The following TEX11 variants were observed in gnomAD, a reference collection of about 807,000 sequenced individuals.
TEX11 encodes the protein testis-expressed protein 11.
In TEX11, 7 loss-of-function variants were observed where a neutral mutation model predicts 84.4. That is an observed-to-expected ratio of 0.08 (90% CI 0.05 to 0.16). The LOEUF (loss-of-function observed/expected upper bound fraction) is 0.16. Ranked by LOEUF, TEX11 falls within the 10% of genes least tolerant of loss-of-function variation. The pLI is 1.00. For synonymous variants in TEX11, 264 were observed against 222.8 expected (o/e 1.18, Z -1.64); for missense variants, 551 against 660.5 (o/e 0.83, Z 1.82).
In TEX11 at chrX:70,842,136, C is replaced by T. The variant is rs1602174158; in HGVS notation, c.526-8543G>A. Among the ~76,000 whole-genome samples the T allele has an allele frequency of 3.6e-5, 4 of 110,915 alleles. No individual in the cohort carries two copies. The Admixed American group carries it at 3.8e-4, about 11-fold the overall frequency. The stretch of plus-strand genomic sequence containing the variant: ...ATCCTCCCTAACTCATTTTATGAGG[C>T]CAGCATCATCCTGATACCAAAGCCT... On this transcript the variant is annotated intron_variant, in intron 7 of 29. Transcript: ENST00000374333.
intron 2 of TEX11, among the ~76,000 whole-genome samples, chrX:70,904,928 C>T (rs1189937264): frequency 2.7e-5 from 3 of 112,312 alleles, no homozygotes; most frequent in African/African-American, 9.7e-5. Context: ...AATATGACTA[C>T]TAGAAAATAT....
intron 16 of TEX11, among the ~76,000 whole-genome samples, chrX:70,661,255 C>T (rs1331542034): frequency 3.6e-5 from 4 of 112,479 alleles, no homozygotes; most frequent in South Asian, 3.7e-4. Flanking sequence ...GAGGGTCCTA[C>T]GCCCACAGAG....
intron 25 of TEX11, among the ~76,000 whole-genome samples, chrX:70,570,377 G>T (rs746047702): frequency 2.7e-5 from 3 of 112,048 alleles, no homozygotes; most frequent in South Asian, 3.7e-4. Context: ...GCAATGCCTC[G>T]CCCTGCTTCA....
At chrX:70,665,035 T>C (rs1264173719) in intron 16 of TEX11, among the ~76,000 whole-genome samples, 2 of 110,728 alleles carry the variant, frequency 1.8e-5, no homozygotes, top group Non-Finnish European at 3.8e-5. Context: ...GTCTTCACTT[T>C]AGGTCACATA....
Position 70,718,495 on chromosome X carries a change from G to A in TEX11, c.1004+4123C>T, listed in dbSNP as rs1045923715. Among the ~76,000 whole-genome samples, 10 of 111,960 alleles carry A rather than the reference G, an allele frequency of 8.9e-5. No homozygotes were observed. The South Asian group carries it at 1.9e-3, about 21-fold the overall frequency. On this transcript the variant is annotated intron_variant, in intron 13 of 29. Transcript: ENST00000374333. ...ATTTTACATTTGTGTAACTACTTAT[G>A]AGCACTTTCGCGAGAAAGATTCAGA...
At chrX:70,638,899 C>T (rs1174376984) in intron 17 of TEX11, among the ~76,000 whole-genome samples, 1 of 108,449 alleles carries the variant, frequency 9.2e-6, no homozygotes, top group Non-Finnish European at 1.9e-5. Context: ...AAAGAGAAGA[C>T]ATTGGAGGAG....
intron 9 of TEX11, among the ~76,000 whole-genome samples, chrX:70,797,903 A>G (rs779480912): frequency 2.1e-5 from 2 of 93,933 alleles, no homozygotes; most frequent in African/African-American, 7.9e-5. Context: ...ACATCATACT[A>G]GATGGTAAAA....
intron 9 of TEX11, among the ~76,000 whole-genome samples, chrX:70,789,167 A>C (rs1429814120): frequency 1.9e-5 from 2 of 104,447 alleles, no homozygotes; most frequent in African/African-American, 3.5e-5. Flanking sequence ...GAAATACAAC[A>C]CGACCCTGTC....
chrX:70,886,970 T>C (rs2091712473), intron 2 of TEX11, among the ~76,000 whole-genome samples: 1 of 111,758 alleles, frequency 8.9e-6, no homozygotes, highest in African/African-American at 3.3e-5. Flanking sequence ...TAGCTGTGAA[T>C]GCGCTGGTTC....
In TEX11 at chrX:70,671,910, T is replaced by TATATATATAC. The variant is rs57166359; in HGVS notation, c.1243-1397_1243-1396insGTATATATAT. Among the ~76,000 whole-genome samples, 372 of 67,863 alleles carry TATATATATAC rather than the reference T, an allele frequency of 5.5e-3. 3 individuals carry two copies. Among genetic ancestry groups the TATATATATAC allele is most frequent in the Non-Finnish European group, 8.2e-3 (288 of 35,270 alleles). The allele number at this position is 67,863 out of a possible 115,157, so 58.9% of individuals were successfully genotyped here. ...ATATATATATATATATATATATATA[T>TATATATATAC]ACACACACACATAGCTAAAACCATC... is the stretch of plus-strand genomic sequence containing the variant. On this transcript the variant is annotated intron_variant, in intron 15 of 29. Transcript: ENST00000374333.
chrX:70,598,568 T>C (rs2089041881), intron 24 of TEX11, among the ~76,000 whole-genome samples: 1 of 112,249 alleles, frequency 8.9e-6, no homozygotes, highest in South Asian at 3.7e-4. Flanking sequence ...GTACATAAAT[T>C]GTTCATCACG....
chrX:70,574,448 A>G (rs2088646849), intron 25 of TEX11, among the ~76,000 whole-genome samples: 1 of 111,501 alleles, frequency 9.0e-6, no homozygotes, highest in South Asian at 3.8e-4. Context: ...TCCATTAAGT[A>G]CTTTTTTCTA....
chrX:70,743,413 T>C (rs1423391002), intron 10 of TEX11, among the ~76,000 whole-genome samples: 1 of 112,199 alleles, frequency 8.9e-6, no homozygotes, highest in East Asian at 2.8e-4. Flanking sequence ...AAGAATCAAA[T>C]GGATATTCAA....
At chrX:70,576,623 T>C (rs2147471425) in intron 25 of TEX11, among the ~76,000 whole-genome samples, 1 of 112,284 alleles carries the variant, frequency 8.9e-6, no homozygotes, top group East Asian at 2.8e-4. Flanking sequence ...CATAAATATA[T>C]ATACATATAC....
intron 13 of TEX11, among the ~76,000 whole-genome samples, chrX:70,689,945 C>T (rs532132503): frequency 9.0e-5 from 10 of 111,565 alleles, no homozygotes; most frequent in South Asian, 3.8e-4. Context: ...CCCTTGATAA[C>T]GATGTAATGA....
intron 26 of TEX11, 116 bp downstream of exon 26, chrX:70,554,535 G>T: frequency 1.5e-6 from 1 of 664,061 alleles, no homozygotes; most frequent in Non-Finnish European, 2.2e-6. Flanking sequence ...GAAACAAAGT[G>T]CTATGAGAAA....
At chrX:70,700,962 C>G (rs1036569527) in intron 13 of TEX11, among the ~76,000 whole-genome samples, 1 of 111,790 alleles carries the variant, frequency 8.9e-6, no homozygotes, top group African/African-American at 3.3e-5. Flanking sequence ...TCTCTTCATT[C>G]TATGAAGGCC....
intron 28 of TEX11, among the ~76,000 whole-genome samples, chrX:70,538,723 T>C (rs2087994077): frequency 9.0e-6 from 1 of 111,120 alleles, no homozygotes; most frequent in Non-Finnish European, 1.9e-5. Context: ...TGCCATTATA[T>C]AGTGGTATGA....
chrX:70,543,025 C>CA (rs1173118895), intron 28 of TEX11, among the ~76,000 whole-genome samples: 1 of 109,414 alleles, frequency 9.1e-6, no homozygotes. Flanking sequence ...ACTAAAAATG[C>CA]AAAAAAATTA....
Sources: gnomAD v4.1 joint callset for allele counts (sites outside exome capture counted in the v4.1 genomes callset) on GRCh38, gnomAD v4.1.1 for gene constraint, MANE v1.5 for transcripts, NCBI Gene and HGNC (gene_info 2026-07-23, HGNC 2026-07-21) for gene names.